Variants in PPARGC1A observed in about 807,000 individuals in gnomAD.
The protein encoded by PPARGC1A is peroxisome proliferator-activated receptor gamma coactivator 1-alpha.
Under a neutral mutation model 88.7 loss-of-function variants are expected in PPARGC1A, and 25 were observed. The observed-to-expected ratio is 0.28, with a 90% CI of 0.21 to 0.39. The LOEUF (loss-of-function observed/expected upper bound fraction) is 0.39, where lower values mean the gene tolerates loss of function less well. Among genes scored for constraint, PPARGC1A ranks in the 10% least tolerant of loss-of-function variants. The probability of loss-of-function intolerance (pLI) is 1.00; values close to 1 mark genes in which losing one functional copy is unlikely to be tolerated. For synonymous variants in PPARGC1A, 363 were observed against 355.6 expected (o/e 1.02, Z -0.24); for missense variants, 880 against 968.7 (o/e 0.91, Z 1.22).
At chr4:24,125,003 GA>G in the PPARGC1A span, among the ~76,000 whole-genome samples, 2 of 151,960 alleles carry the variant, frequency 1.3e-5, no homozygotes, top group Admixed American at 6.6e-5. Context: ...GAAAACATGG[GA>G]TAAGAATTAA....
intron 12 of PPARGC1A, among the ~76,000 whole-genome samples, chr4:23,799,121 C>T (rs1319219061): frequency 6.6e-6 from 1 of 152,106 alleles, no homozygotes; most frequent in Non-Finnish European, 1.5e-5. Flanking sequence ...ATGCTCCTAA[C>T]CCCTGAGTCC....
the PPARGC1A span, among the ~76,000 whole-genome samples, chr4:24,077,003 CT>C: frequency 0.026 from 4,017 of 151,948 alleles, 162 homozygotes; most frequent in African/African-American, 0.091. Context: ...TATTTCCCTC[CT>C]TTTTTTGGCT....
At chr4:24,271,995 T>C in the PPARGC1A span, among the ~76,000 whole-genome samples, 2 of 152,126 alleles carry the variant, frequency 1.3e-5, no homozygotes, top group South Asian at 2.1e-4. Context: ...AGTGACCAAG[T>C]GTTCTATTTA....
intron 2 of PPARGC1A, among the ~76,000 whole-genome samples, chr4:23,844,168 T>C (rs1727563303): frequency 6.7e-6 from 1 of 150,058 alleles, no homozygotes; most frequent in Non-Finnish European, 1.5e-5. Context: ...AGTATACATA[T>C]GTGTGTATAT....
the PPARGC1A span, among the ~76,000 whole-genome samples, chr4:24,317,543 T>C: frequency 9.8e-6 from 1 of 102,136 alleles, no homozygotes; most frequent in African/African-American, 3.6e-5. Flanking sequence ...AGGAGCCCAG[T>C]GTTCAGAGGA....
At chr4:23,866,494 A>C (rs1017584287) in intron 2 of PPARGC1A, among the ~76,000 whole-genome samples, 1 of 152,204 alleles carries the variant, frequency 6.6e-6, no homozygotes, top group Non-Finnish European at 1.5e-5. Context: ...ATATGAAAAA[A>C]GCTCTTAACA....
At chr4:24,400,193 C>A in the PPARGC1A span, among the ~76,000 whole-genome samples, 12 of 152,096 alleles carry the variant, frequency 7.9e-5, no homozygotes, top group Non-Finnish European at 1.5e-4. Flanking sequence ...TTGGGGGATA[C>A]AAAGTATTAG....
the PPARGC1A span, among the ~76,000 whole-genome samples, chr4:24,209,078 T>C: frequency 3.3e-5 from 5 of 152,266 alleles, no homozygotes; most frequent in Admixed American, 6.5e-5. Flanking sequence ...GTCGAAGTCA[T>C]CGGCAGTGAA....
the PPARGC1A span, among the ~76,000 whole-genome samples, chr4:24,247,733 G>A: frequency 6.6e-6 from 1 of 152,158 alleles, no homozygotes; most frequent in Non-Finnish European, 1.5e-5. Flanking sequence ...TTATTATTGT[G>A]CTGCAGCTGT....
chr4:23,995,600 T>A, the PPARGC1A span, among the ~76,000 whole-genome samples: 1,997 of 152,272 alleles, frequency 0.013, 26 homozygotes, highest in South Asian at 0.016. Context: ...ACTCTGATAC[T>A]TACATTTCTG....
chr4:24,198,775 G>A, the PPARGC1A span, among the ~76,000 whole-genome samples: 8 of 152,302 alleles, frequency 5.3e-5, no homozygotes, highest in East Asian at 9.6e-4. Context: ...AAGGGCAGAA[G>A]CTGAGCTGGT....
chr4:24,317,526 G>T, the PPARGC1A span, among the ~76,000 whole-genome samples: 238 of 119,566 alleles, frequency 2.0e-3, no homozygotes, highest in African/African-American at 7.2e-3. Flanking sequence ...TAGCAGAGGT[G>T]ACTTTGAGGA....
the PPARGC1A span, among the ~76,000 whole-genome samples, chr4:24,019,216 G>A: frequency 6.6e-6 from 1 of 151,936 alleles, no homozygotes; most frequent in Non-Finnish European, 1.5e-5. Flanking sequence ...CCAAATCTTT[G>A]GACATATTCC....
At chr4:24,171,456 T>C in the PPARGC1A span, among the ~76,000 whole-genome samples, 1 of 152,066 alleles carries the variant, frequency 6.6e-6, no homozygotes, top group East Asian at 1.9e-4. Context: ...TCTATCTTCT[T>C]TCACTGCTTA....
the PPARGC1A span, among the ~76,000 whole-genome samples, chr4:24,369,934 G>A: frequency 1.3e-5 from 2 of 152,196 alleles, no homozygotes; most frequent in African/African-American, 2.4e-5. Flanking sequence ...TAGTAGGTGG[G>A]CTCCCACAGC....
intron 2 of PPARGC1A, among the ~76,000 whole-genome samples, chr4:23,838,288 C>G (rs967755759): frequency 6.6e-6 from 1 of 152,102 alleles, no homozygotes; most frequent in African/African-American, 2.4e-5. Flanking sequence ...AGTGTGGGCA[C>G]TGACAGTATA....
At chr4:24,338,351 T>C in the PPARGC1A span, among the ~76,000 whole-genome samples, 11 of 152,206 alleles carry the variant, frequency 7.2e-5, no homozygotes, top group East Asian at 1.9e-3. Flanking sequence ...ATTTTAATGA[T>C]GTTTTTTAAT....
At chr4:24,219,280 T>C in the PPARGC1A span, among the ~76,000 whole-genome samples, 50 of 152,364 alleles carry the variant, frequency 3.3e-4, no homozygotes, top group African/African-American at 1.1e-3. Flanking sequence ...AGCAGCGTGC[T>C]TTGAACTCTT....
chr4:24,305,465 G>A, the PPARGC1A span, among the ~76,000 whole-genome samples: 14 of 152,096 alleles, frequency 9.2e-5, no homozygotes, highest in African/African-American at 1.7e-4. Flanking sequence ...GTGTTAGTCA[G>A]AACTGTAATA....
Sources: gnomAD v4.1 joint callset for allele counts (sites outside exome capture counted in the v4.1 genomes callset) on GRCh38, gnomAD v4.1.1 for gene constraint, MANE v1.5 for transcripts, NCBI Gene and HGNC (gene_info 2026-07-23, HGNC 2026-07-21) for gene names.